ITGA1: variants seen among roughly 807,000 people sequenced by gnomAD.
The protein encoded by ITGA1 is integrin alpha-1.
A neutral mutation model predicts 145.9 loss-of-function variants in ITGA1; 85 were observed. The observed-to-expected ratio is 0.58, with a 90% confidence interval of 0.49 to 0.70. ITGA1 has a LOEUF of 0.70. Among genes scored for constraint, ITGA1 ranks in the 30% least tolerant of loss-of-function variants. ITGA1 has a pLI of 0.00. For missense variants in ITGA1, 1,351 were observed against 1,418.7 expected (o/e 0.95, Z 0.77); for synonymous variants, 520 against 495.3 (o/e 1.05, Z -0.66).
intron 6 of ITGA1, among the ~76,000 whole-genome samples, chr5:52,873,152 C>T (rs1580073001): frequency 6.6e-6 from 1 of 152,176 alleles, no homozygotes; most frequent in African/African-American, 2.4e-5. Context: ...ACCTCTTTCC[C>T]TTACTTTGCT....
chr5:52,800,929 G>C, intron 1 of ITGA1: 1 of 1,614,202 alleles, frequency 6.2e-7, no homozygotes. Flanking sequence ...CTCTCAGCAT[G>C]ACCGGGCCTT....
At chr5:52,915,302 AT>A (rs1750626522) in intron 14 of ITGA1, among the ~76,000 whole-genome samples, 161 bp from the exon 15 acceptor site, 2 of 152,242 alleles carry the variant, frequency 1.3e-5, no homozygotes, top group Non-Finnish European at 2.9e-5. Flanking sequence ...CTCTGGGAAC[AT>A]CTGAGTATTT....
At chr5:52,882,792 C>CA (rs1192875615) in intron 7 of ITGA1, 1 of 152,108 alleles carries the variant, frequency 6.6e-6, no homozygotes, top group Non-Finnish European at 1.5e-5. Context: ...CAAAACAATA[C>CA]AAAAATCACA....
chr5:52,801,357 A>G (rs1172116898), intron 1 of ITGA1: 4 of 1,453,316 alleles, frequency 2.8e-6, no homozygotes, highest in Non-Finnish European at 3.8e-6. Context: ...TGAGCTGATT[A>G]ATGGGTGTTC....
chr5:52,886,840 G>C (rs1036167259), intron 7 of ITGA1, among the ~76,000 whole-genome samples: 1 of 152,074 alleles, frequency 6.6e-6, no homozygotes, highest in Non-Finnish European at 1.5e-5. Flanking sequence ...ATGCAGTGGC[G>C]CGATCTTGGC....
rs1006961899 is a variant in ITGA1, at chr5:52,823,848, G to C, written c.62-25517G>C. Among the ~76,000 whole-genome samples, 5 of 152,320 alleles carry C rather than the reference G, an allele frequency of 3.3e-5. No homozygotes were observed. The East Asian group carries it at 9.6e-4, about 29-fold the overall frequency. ...CTTTTCAACTTCCTCTACATGCTTA[G>C]AAAACAGAATTGACTTTTGTATGTC... On this transcript the variant is annotated intron_variant, in intron 1 of 28. Transcript: ENST00000282588.
intron 14 of ITGA1, among the ~76,000 whole-genome samples, chr5:52,914,658 G>A (rs1366633800): frequency 6.6e-6 from 1 of 151,800 alleles, no homozygotes; most frequent in East Asian, 1.9e-4. Flanking sequence ...GATGAAAAAT[G>A]TTTCCATTTG....
chr5:52,858,082 C>G lies in ITGA1; in HGVS notation c.183-3365C>G, dbSNP rs565496262. ...GTACTTCCTGAATCCAAATCCTCAT[C>G]TGGATTACTTTAGGAATCCATATCT... On this transcript the variant is annotated intron_variant, in intron 2 of 28. Coordinates refer to ENST00000282588, the MANE Select transcript of ITGA1 (RefSeq NM_181501.2). Among the ~76,000 whole-genome samples the G allele has an allele frequency of 1.4e-4, 21 of 152,320 alleles. No homozygotes were observed. The South Asian group carries it at 4.1e-3, about 30-fold the overall frequency.
At chr5:52,918,601 G>T (rs1579719901) in intron 15 of ITGA1, 131 bp from the exon 16 acceptor site, 2 of 684,290 alleles carry the variant, frequency 2.9e-6, no homozygotes, top group East Asian at 3.1e-5. Flanking sequence ...ATTAATTAAA[G>T]AAATGGAGTC....
chr5:52,919,618 A>G (rs539351382), intron 16 of ITGA1, among the ~76,000 whole-genome samples: 1 of 152,312 alleles, frequency 6.6e-6, no homozygotes, highest in South Asian at 2.1e-4. Flanking sequence ...GATTTGTTCC[A>G]TATGTGCATG....
chr5:52,852,529 G>T (rs888420500), intron 2 of ITGA1, among the ~76,000 whole-genome samples: 1 of 152,140 alleles, frequency 6.6e-6, no homozygotes, highest in African/African-American at 2.4e-5. Context: ...AGGTCAGATA[G>T]ATTCCAAAAT....
At chr5:52,943,830 C>T (rs6888620) in intron 26 of ITGA1, among the ~76,000 whole-genome samples, 50,123 of 151,980 alleles carry the variant, frequency 0.33, 8,506 homozygotes, top group East Asian at 0.52. Flanking sequence ...ACTCCTGAGA[C>T]GGACATGCCA....
intron 11 of ITGA1, among the ~76,000 whole-genome samples, chr5:52,900,157 G>A (rs1750292322): frequency 6.6e-6 from 1 of 152,126 alleles, no homozygotes; most frequent in African/African-American, 2.4e-5. Context: ...TAAAAAAGAG[G>A]GCTGGGGATT....
At chr5:52,945,067 G>T (rs759743931) in intron 27 of ITGA1, 32 bp downstream of exon 27, 1 of 1,460,494 alleles carries the variant, frequency 6.8e-7, no homozygotes, top group East Asian at 2.3e-5. Context: ...AAAACATTAT[G>T]CATTTCACTC....
At chr5:52,866,834 A>G (rs953416674) in intron 6 of ITGA1, among the ~76,000 whole-genome samples, 4 of 152,196 alleles carry the variant, frequency 2.6e-5, no homozygotes, top group Admixed American at 6.5e-5. Context: ...ATGGGCATAT[A>G]TATTAAAATA....
intron 19 of ITGA1, 147 bp downstream of exon 19, chr5:52,925,634 A>T (rs1258353530): frequency 3.2e-6 from 2 of 620,898 alleles, no homozygotes; most frequent in East Asian, 5.6e-5. Context: ...TGGTGAAAGT[A>T]TTAAGCTTTT....
rs145717487 is a variant in ITGA1 at position 52,806,906 on chromosome 5, ACT to A, written c.61+18495_61+18496del. 5.3e-5 allele frequency among the ~76,000 whole-genome samples: 8 copies of A among 152,280 alleles called. No homozygotes were observed. In the East Asian group the frequency reaches 1.5e-3, roughly 29 times the overall value. ...TTTGCTTTTTACAATGAATATTTTA[ACT>A]CTATAATAATTGACATTGATATGGG... On this transcript the variant is annotated intron_variant, in intron 1 of 28. Transcript: ENST00000282588.
chr5:52,878,568 G>T (rs141960643), intron 6 of ITGA1, among the ~76,000 whole-genome samples: 1 of 152,320 alleles, frequency 6.6e-6, no homozygotes. Flanking sequence ...CATCTCTTCA[G>T]CTCCTCTCAT....
In ITGA1 at chr5:52,816,356, C is replaced by G. The variant is rs114595814; in HGVS notation, c.61+27942C>G. On this transcript the variant is annotated intron_variant, in intron 1 of 28. Transcript: ENST00000282588. ...TATGAGAAAGATGAAAATTAACGAT[C>G]TTTTAGAGATAGTTCAATGTTAGCC... Among the ~76,000 whole-genome samples, 1,018 of 152,204 alleles carry G rather than the reference C, an allele frequency of 6.7e-3. 12 individuals carry two copies. Among genetic ancestry groups the G allele is most frequent in the African/African-American group, 0.023 (969 of 41,528 alleles).
Sources: gnomAD v4.1 joint callset for allele counts (sites outside exome capture counted in the v4.1 genomes callset) on GRCh38, gnomAD v4.1.1 for gene constraint, MANE v1.5 for transcripts, NCBI Gene and HGNC (gene_info 2026-07-23, HGNC 2026-07-21) for gene names.